LMO2: variants seen among roughly 807,000 people sequenced by gnomAD.
LMO2 encodes the protein LIM domain only 2.
Under a neutral mutation model 23.2 loss-of-function variants are expected in LMO2, and 20 were observed. The observed-to-expected ratio is 0.86, with a 90% CI of 0.61 to 1.25. The LOEUF is 1.25. LMO2 is among the 50% of genes most tolerant of loss of function. The pLI, the probability that LMO2 is intolerant of heterozygous loss-of-function variation, is 0.00. For missense variants in LMO2, 270 were observed against 315.3 expected (o/e 0.86, Z 1.09); for synonymous variants, 123 against 130.2 (o/e 0.94, Z 0.38).
intron 4 of LMO2, among the ~76,000 whole-genome samples, chr11:33,867,886 T>A (rs1445951608): frequency 6.6e-6 from 1 of 152,228 alleles, no homozygotes; most frequent in African/African-American, 2.4e-5. Context: ...CACCAATTCA[T>A]CCAATTCACT....
intron 5 of LMO2, among the ~76,000 whole-genome samples, chr11:33,862,964 C>G (rs1217018676): frequency 6.6e-6 from 1 of 151,524 alleles, no homozygotes; most frequent in Non-Finnish European, 1.5e-5. Context: ...TTTTCCTCTC[C>G]TTTTTGAAAA....
At position 33,880,991 on chromosome 11, in the gene LMO2, G is replaced by A. The variant is rs142156357; in HGVS notation, c.-272+833C>T. 296 of 352,910 alleles carry A rather than the reference G, an allele frequency of 8.4e-4. No homozygotes were observed. The highest frequency in any genetic ancestry group is 4.3e-3 in the African/African-American group (199 of 46,728). The allele number at this position is 352,910 out of a possible 1,614,324, so 21.9% of individuals were successfully genotyped here. On this transcript the variant is annotated intron_variant, in intron 2 of 5. Coordinates refer to ENST00000257818, the MANE Select transcript of LMO2 (RefSeq NM_005574.4). The surrounding 1 kb of genome is among the most constrained non-coding windows in gnomAD (Gnocchi z 4.3). The stretch of plus-strand genomic sequence containing the variant: ...CCAAGGACAGAAAAAAAGAGTGCAG[G>A]TTGTTATTATGCAAAGCCACAGCAT...
At chr11:33,863,821 A>G (rs1856672571) in intron 5 of LMO2, among the ~76,000 whole-genome samples, 1 of 152,202 alleles carries the variant, frequency 6.6e-6, no homozygotes, top group East Asian at 1.9e-4. Flanking sequence ...CCCTTTGCTC[A>G]TTAGATTGGA....
chr11:33,879,564 C>T (rs1565034216), intron 2 of LMO2, among the ~76,000 whole-genome samples: 2 of 151,808 alleles, frequency 1.3e-5, no homozygotes, highest in East Asian at 3.9e-4. Flanking sequence ...GGAAGGGAGA[C>T]AGAGGTTGCA....
rs1856918708 is a variant in LMO2, at chr11:33,869,401, G to A, written c.193C>T (p.Pro65Ser). ...GCCGAGGACATTGGGGAGGGAGGCG[G>A]GGTGCCGGGCGGCGGGGGCGCTCCC... ...TKGAPPPPGT[P>S]PPSPMSSAIE... The change falls in exon 4 of 6, where the codon CCG becomes TCG. Residue 65 changes from proline (P) to serine (S), a missense_variant. Around this residue, in one of 2 missense-constraint regions of LMO2, gnomAD observed 170 missense variants for 162.0 expected, o/e 1.05. Coordinates refer to ENST00000257818, the MANE Select transcript of LMO2 (RefSeq NM_005574.4). 5 of 1,210,428 alleles carry A rather than the reference G, an allele frequency of 4.1e-6. No homozygotes were observed. The highest frequency in any genetic ancestry group is 4.1e-6 in the Non-Finnish European group (4 of 968,236). The allele number at this position is 1,210,428 out of a possible 1,614,324, so 75.0% of individuals were successfully genotyped here. A position where few individuals can be genotyped will look rare whatever the true frequency, so the allele number is the denominator to read the frequency against.
At chr11:33,873,801 T>C (rs369736881) in intron 2 of LMO2, among the ~76,000 whole-genome samples, 111 of 151,060 alleles carry the variant, frequency 7.3e-4, no homozygotes, top group African/African-American at 2.4e-3. Flanking sequence ...ATGGATCATT[T>C]TTTTCCCCTG....
chr11:33,885,662 G>A (rs1478233321), intron 1 of LMO2, among the ~76,000 whole-genome samples: 1 of 152,238 alleles, frequency 6.6e-6, no homozygotes, highest in Non-Finnish European at 1.5e-5. Flanking sequence ...AGTGAGAGGA[G>A]AGAGTTATAA....
rs890973512 is a variant in LMO2, at chr11:33,869,330, G to C, written c.248+16C>G. ...GTGGACACCGGGGGTGGCAGGGGCA[G>C]GGGGGCCGCACTTACTCTGAAGGGT... On this transcript the variant is annotated intron_variant, in intron 4 of 5. Coordinates refer to ENST00000257818, the MANE Select transcript of LMO2 (RefSeq NM_005574.4). The C allele has an allele frequency of 4.2e-6, 5 of 1,184,278 alleles. No homozygotes were observed. The Admixed American group carries it at 1.8e-4, about 44-fold the overall frequency. The allele number at this position is 1,184,278 out of a possible 1,614,324, so 73.4% of individuals were successfully genotyped here.
intron 1 of LMO2, among the ~76,000 whole-genome samples, chr11:33,882,094 G>A (rs1857296928): frequency 6.6e-6 from 1 of 152,214 alleles, no homozygotes; most frequent in African/African-American, 2.4e-5. Context: ...TGGCATCAGG[G>A]CGCAGGGATG....
chr11:33,874,529 T>G (rs1394066928), intron 2 of LMO2, among the ~76,000 whole-genome samples: 2 of 152,232 alleles, frequency 1.3e-5, no homozygotes, highest in Admixed American at 1.3e-4. Flanking sequence ...TAAAAATACT[T>G]TGCACAGTGA....
At position 33,869,594 on chromosome 11, in the gene LMO2, C is replaced by A. The variant is rs1454238641; in HGVS notation, c.8-8G>T. 1 of 1,288,948 alleles carries A rather than the reference C, an allele frequency of 7.8e-7. No homozygotes were observed. The highest frequency in any genetic ancestry group is 2.1e-5 in the South Asian group (1 of 48,008). The allele number at this position is 1,288,948 out of a possible 1,614,324, so 79.8% of individuals were successfully genotyped here. On this transcript the variant is annotated splice_polypyrimidine_tract_variant and splice_region_variant and intron_variant, in intron 3 of 5. Transcript: ENST00000257818. Reference sequence around the variant, plus strand: ...GGACAGTCACCGCGCTCCCTTCAAACGCCAAAGAGAGAGAGCGAATCACCG... The same window carrying A: ...GGACAGTCACCGCGCTCCCTTCAAAAGCCAAAGAGAGAGAGCGAATCACCG...
intron 2 of LMO2, among the ~76,000 whole-genome samples, chr11:33,875,610 A>C (rs1045520886): frequency 1.4e-5 from 2 of 147,468 alleles, no homozygotes; most frequent in African/African-American, 5.0e-5. Context: ...TTGAGCACCC[A>C]TTGATAATTC....
At chr11:33,886,731 G>A (rs1439574017) in intron 1 of LMO2, among the ~76,000 whole-genome samples, 1 of 152,214 alleles carries the variant, frequency 6.6e-6, no homozygotes, top group African/African-American at 2.4e-5. Context: ...CTCAGGCATT[G>A]TTATTTCAGA....
At chr11:33,870,039 G>T in intron 2 of LMO2, 52 bp from the exon 3 acceptor site, 1 of 757,808 alleles carries the variant, frequency 1.3e-6, no homozygotes, top group Non-Finnish European at 1.6e-6. Flanking sequence ...AGAGACAGCT[G>T]CCCGGTCCCC....
chr11:33,870,631 C>T, intron 2 of LMO2: 1 of 940,832 alleles, frequency 1.1e-6, no homozygotes, highest in Non-Finnish European at 1.3e-6. Context: ...CCACGCGGGG[C>T]CGGGGCTCCT....
At position 33,864,632 on chromosome 11, in the gene LMO2, C is replaced by A; in HGVS notation, c.434G>T (p.Gly145Val). ...ATAGTCTCTCCGGCAGAGCTTCCGG[C>A]CCAGTTTGTAGTAGAGGCGCCGCCC... ...EVGRRLYYKL[G>V]RKLCRRDYLR... The change falls in exon 5 of 6, where the codon GGC becomes GTC. Residue 145 changes from glycine (G) to valine (V), a missense_variant. Around this residue, in one of 2 missense-constraint regions of LMO2, gnomAD observed 100 missense variants for 153.3 expected, o/e 0.65. Transcript: ENST00000257818. This position sits in a 1 kb window ranked among gnomAD's most constrained non-coding sequence, Gnocchi z 4.8. 1 of 1,613,884 alleles carries A rather than the reference C, an allele frequency of 6.2e-7. No homozygotes were observed. The highest frequency in any genetic ancestry group is 8.5e-7 in the Non-Finnish European group (1 of 1,180,012).
intron 4 of LMO2, among the ~76,000 whole-genome samples, chr11:33,865,859 T>C (rs1033053514): frequency 1.3e-5 from 2 of 152,260 alleles, no homozygotes; most frequent in African/African-American, 4.8e-5. Context: ...ATTATTCTAG[T>C]GTCCCCCACA....
rs766846872 is a variant in LMO2, at chr11:33,869,728, C to T, written c.-12G>A. 9.3e-6 allele frequency: 12 copies of T among 1,290,918 alleles called. No individual in the cohort carries two copies. The South Asian group carries it at 1.9e-4, about 20-fold the overall frequency. 80.0% of individuals were successfully genotyped at this position (1,290,918 alleles called of 1,614,324 possible). A position where few individuals can be genotyped will look rare whatever the true frequency, so the allele number is the denominator to read the frequency against. ...ACTTAACCTTCCATCCCGGTCCCGCCGCCGCCACCGCCCGGTCCCTCTCGC... is the reference window on the plus strand; with the variant it reads ...ACTTAACCTTCCATCCCGGTCCCGCTGCCGCCACCGCCCGGTCCCTCTCGC... On this transcript the variant is annotated 5_prime_UTR_variant, in exon 3 of 6. Coordinates refer to ENST00000257818, the MANE Select transcript of LMO2 (RefSeq NM_005574.4).
chr11:33,877,607 G>A (rs964880269), intron 2 of LMO2, among the ~76,000 whole-genome samples: 3 of 151,698 alleles, frequency 2.0e-5, no homozygotes, highest in Non-Finnish European at 4.4e-5. Context: ...TGGGACTATA[G>A]GTGCACACTA....
Sources: gnomAD v4.1 joint callset for allele counts (sites outside exome capture counted in the v4.1 genomes callset) on GRCh38, gnomAD v4.1.1 for gene constraint, gnomAD v4.1.1 regional missense constraint, Gnocchi (gnomAD v3.1) non-coding constraint, MANE v1.5 for transcripts, NCBI Gene and HGNC (gene_info 2026-07-23, HGNC 2026-07-21) for gene names.